COG1: variants seen among roughly 807,000 people sequenced by gnomAD.
COG1 encodes conserved oligomeric Golgi complex subunit 1.
In COG1, 61 loss-of-function variants were observed where a neutral mutation model predicts 102.2. The observed-to-expected ratio is 0.60, with a 90% confidence interval of 0.49 to 0.74. The LOEUF (loss-of-function observed/expected upper bound fraction) is 0.74, where lower values mean the gene tolerates loss of function less well. Ranked by LOEUF, COG1 falls within the 30% of genes least tolerant of loss-of-function variation. The probability of loss-of-function intolerance (pLI) is 0.00; values close to 1 mark genes in which losing one functional copy is unlikely to be tolerated. For synonymous variants in COG1, 454 were observed against 493.6 expected (o/e 0.92, Z 1.06); for missense variants, 1,164 against 1,232.1 (o/e 0.94, Z 0.83).
chr17:73,205,504 A>C, intron 9 of COG1, 49 bp from the exon 10 acceptor site: 4 of 1,610,350 alleles, frequency 2.5e-6, no homozygotes, highest in Non-Finnish European at 3.4e-6. Flanking sequence ...TTACGCTCAC[A>C]TACCAAGTCC....
Position 73,196,938 on chromosome 17 carries a change from G to C in COG1, c.599G>C (p.Cys200Ser). 2 of 1,614,206 alleles carry C rather than the reference G, an allele frequency of 1.2e-6. No individual in the cohort carries two copies. Among genetic ancestry groups the C allele is most frequent in the Non-Finnish European group, 1.7e-6 (2 of 1,180,034 alleles). The part of the protein sequence containing the change: ...ILHESKMLLK[C>S]QGVSDQAVAE... ...CATGAAAGCAAGATGTTGCTCAAATGCCAAGGTGTGTCTGACCAAGCTGTG... is the reference window on the plus strand; with the variant it reads ...CATGAAAGCAAGATGTTGCTCAAATCCCAAGGTGTGTCTGACCAAGCTGTG... Residue 200 changes from cysteine to serine, a missense_variant, in exon 3 of 14, where the codon TGC becomes TCC. Cys to Ser is a moderately radical substitution (Grantham distance 112, BLOSUM62 -1). Coordinates refer to ENST00000299886, the MANE Select transcript of COG1 (RefSeq NM_018714.3).
rs192462944 is a variant in COG1, at chr17:73,195,786, A to G, written c.316-721A>G. On this transcript the variant is annotated intron_variant, in intron 1 of 13. Coordinates refer to ENST00000299886, the MANE Select transcript of COG1 (RefSeq NM_018714.3). ...AAATTAGCCAGGCGTGGCGACACGC[A>G]CCTGCGATCCCAGCTACTCAGGAGG... Among the ~76,000 whole-genome samples, 3 of 152,252 alleles carry G rather than the reference A, an allele frequency of 2.0e-5. No homozygotes were observed. The East Asian group carries it at 5.8e-4, about 29-fold the overall frequency.
chr17:73,194,324 C>A lies in COG1; in HGVS notation c.315+940C>A, dbSNP rs375074532. 4.0e-4 allele frequency among the ~76,000 whole-genome samples: 58 copies of A among 146,520 alleles called. 1 individual carries two copies. In the South Asian group the frequency reaches 7.4e-3, roughly 19 times the overall value. On this transcript the variant is annotated intron_variant, in intron 1 of 13. Coordinates refer to ENST00000299886, the MANE Select transcript of COG1 (RefSeq NM_018714.3). ...AGGCGTGGTGGCCGGCGCCTGTAGT[C>A]CCAGCTACCTGGGAGGCTGAGGCAG... is the stretch of plus-strand genomic sequence containing the variant.
chr17:73,200,424 G>A lies in COG1; in HGVS notation c.1071-142G>A, dbSNP rs1027199921. 7.7e-5 allele frequency: 68 copies of A among 879,682 alleles called. No individual in the cohort carries two copies. In the Middle Eastern group the frequency reaches 1.0e-3, roughly 13 times the overall value. 54.5% of individuals were successfully genotyped at this position (879,682 alleles called of 1,614,324 possible). On this transcript the variant is annotated intron_variant, in intron 5 of 13. Coordinates refer to ENST00000299886, the MANE Select transcript of COG1 (RefSeq NM_018714.3). ...AGCCAAAACGCTCTGTGTTGCTACA[G>A]GTCTATCAACACTGAGACACATAGA...
intron 9 of COG1, 35 bp from the exon 10 acceptor site, chr17:73,205,518 C>T (rs762085600): frequency 1.7e-5 from 27 of 1,613,492 alleles, no homozygotes; most frequent in East Asian, 6.7e-5. Flanking sequence ...CAAGTCCTCT[C>T]TCTTCATGGG....
chr17:73,202,286 C>G (rs62071648), intron 7 of COG1, among the ~76,000 whole-genome samples: 8,377 of 152,172 alleles, frequency 0.055, 451 homozygotes, highest in East Asian at 0.17. Flanking sequence ...TTGCAGTGAG[C>G]CGAGATCGCA....
Position 73,205,610 on chromosome 17 carries a change from C to T in COG1, c.2440C>T (p.Arg814Cys), listed in dbSNP as rs767006562. Reference protein sequence around the residue: ...NRALQLLYDLRYLNIVLTAKG... With the variant: ...NRALQLLYDLCYLNIVLTAKG... ...GGCGCTGCAGCTGCTTTATGATCTG[C>T]GTTACCTCAACATTGTTCTGACAGC... is the stretch of plus-strand genomic sequence containing the variant. The change falls in exon 10 of 14, where the codon CGT (arginine) becomes TGT (cysteine). Residue 814 changes from arginine to cysteine, a missense_variant. Physicochemically the swap from Arg to Cys is radical, Grantham distance 180. Coordinates refer to ENST00000299886, the MANE Select transcript of COG1 (RefSeq NM_018714.3). The T allele has an allele frequency of 1.9e-6, 3 of 1,614,142 alleles. No homozygotes were observed. Among genetic ancestry groups the T allele is most frequent in the Admixed American group, 1.7e-5 (1 of 60,014 alleles).
chr17:73,202,452 C>T (rs955061065), intron 7 of COG1, among the ~76,000 whole-genome samples: 1 of 152,072 alleles, frequency 6.6e-6, no homozygotes, highest in Admixed American at 6.6e-5. Context: ...CTCTCTTTAA[C>T]CTAAATATCA....
In COG1 at chr17:73,203,684, G is replaced by T; in HGVS notation, c.2273G>T (p.Arg758Leu). Residue 758 changes from arginine to leucine, a missense_variant, in exon 9 of 14, where the codon CGG (arginine) becomes CTG (leucine). Transcript: ENST00000299886. ...TTTAGTTTATGCCAGGAAATTAATC[G>T]GGTTGGAGGCCATGCCTTGCCAAAG... Reference protein sequence around the residue: ...FLFSLCQEINRVGGHALPKVT... With the variant: ...FLFSLCQEINLVGGHALPKVT... 6.2e-7 allele frequency: 1 copy of T among 1,614,196 alleles called. No homozygotes were observed.
Position 73,193,394 on chromosome 17 carries a change from C to T in COG1, c.315+10C>T, listed in dbSNP as rs1188495993. The T allele has an allele frequency of 2.1e-6, 3 of 1,421,974 alleles. No individual in the cohort carries two copies. The highest frequency in any genetic ancestry group is 2.5e-4 in the Middle Eastern group (1 of 3,924). 88.1% of individuals were successfully genotyped at this position (1,421,974 alleles called of 1,614,324 possible). A position where few individuals can be genotyped will look rare whatever the true frequency, so the allele number is the denominator to read the frequency against. On this transcript the variant is annotated intron_variant, in intron 1 of 13. Coordinates refer to ENST00000299886, the MANE Select transcript of COG1 (RefSeq NM_018714.3). ...ACCGCGGGCCCAGCAGGTCAGTCCC[C>T]GTGCCCCCACCCTGCGACCCGCAGG...
rs1428498102 is a variant in COG1 at position 73,203,789 on chromosome 17, T to C, written c.2378T>C (p.Ile793Thr). The C allele has an allele frequency of 6.2e-7, 1 of 1,614,076 alleles. No homozygotes were observed. The highest frequency in any genetic ancestry group is 1.3e-5 in the African/African-American group (1 of 74,944). The change falls in exon 9 of 14, where the codon ATT becomes ACT. Residue 793 changes from isoleucine to threonine, a missense_variant. Coordinates refer to ENST00000299886, the MANE Select transcript of COG1 (RefSeq NM_018714.3). ...GAGAAACTCTCCGAAGAAAAACAGATTAAGGTAGGTGTCTGAATGTTTGCC... is the reference window on the plus strand; with the variant it reads ...GAGAAACTCTCCGAAGAAAAACAGACTAAGGTAGGTGTCTGAATGTTTGCC... ...AYEKLSEEKQ[I>T]KKEGAFPVTQ...
chr17:73,203,418 C>G (rs2061355030), intron 8 of COG1: 9 of 709,128 alleles, frequency 1.3e-5, no homozygotes, highest in African/African-American at 1.8e-5. Context: ...ACACAGGCAC[C>G]TCTTCGAGAT....
Position 73,197,084 on chromosome 17 carries a change from G to A in COG1, c.742+3G>A, listed in dbSNP as rs1568295288. On this transcript the variant is annotated splice_donor_region_variant and intron_variant, in intron 3 of 13. Coordinates refer to ENST00000299886, the MANE Select transcript of COG1 (RefSeq NM_018714.3). ...ACTTCTCAACCAGCCACACCATGGT[G>A]GGTGTGGCTTCTGGCCAACATTTGG... The A allele has an allele frequency of 6.2e-7, 1 of 1,614,000 alleles. No homozygotes were observed. The highest frequency in any genetic ancestry group is 1.1e-5 in the South Asian group (1 of 91,070).
At position 73,193,181 on chromosome 17, in the gene COG1, CG is replaced by C; in HGVS notation, c.115del (p.Ala39ProfsTer21). The C allele has an allele frequency of 6.2e-7, 1 of 1,607,768 alleles. No individual in the cohort carries two copies. Among genetic ancestry groups the C allele is most frequent in the South Asian group, 1.1e-5 (1 of 89,956 alleles). ...GATCCGCGGGCTGGAGCGCCAGGTT[CG>C]GGCCGAGATCGAGCACAAGAAGGAG... The part of the protein sequence containing the change: ...EEIRGLERQV[R>X]AEIEHKKEEL... On this transcript the variant is annotated frameshift_variant, in exon 1 of 14. Coordinates refer to ENST00000299886, the MANE Select transcript of COG1 (RefSeq NM_018714.3). LOFTEE classifies it high-confidence loss of function.
chr17:73,193,281 G>A lies in COG1; in HGVS notation c.212G>A (p.Arg71His), dbSNP rs1054929490. Residue 71 changes from arginine to histidine, a missense_variant, in exon 1 of 14, where the codon CGC (arginine) becomes CAC (histidine). Transcript: ENST00000299886. The stretch of plus-strand genomic sequence containing the variant: ...GCCGACACCATCGGCCAGATGCGCC[G>A]CTGCGCCGTGGGGCTAGTGGACGCC... Reference protein sequence around the residue: ...EAADTIGQMRRCAVGLVDAVK... With the variant: ...EAADTIGQMRHCAVGLVDAVK... 3.1e-6 allele frequency: 5 copies of A among 1,602,158 alleles called. No homozygotes were observed. Among genetic ancestry groups the A allele is most frequent in the Non-Finnish European group, 4.3e-6 (5 of 1,175,764 alleles).
rs1320259917 is a variant in COG1 at position 73,196,669 on chromosome 17, G to T, written c.478G>T (p.Asp160Tyr). The T allele has an allele frequency of 1.2e-6, 2 of 1,614,022 alleles. No individual in the cohort carries two copies. The highest frequency in any genetic ancestry group is 1.3e-5 in the African/African-American group (1 of 74,910). Residue 160 changes from aspartate (D) to tyrosine (Y), a missense_variant, in exon 2 of 14, where the codon GAT (aspartate) becomes TAT (tyrosine). Physicochemically the swap from Asp to Tyr is radical, Grantham distance 160. Coordinates refer to ENST00000299886, the MANE Select transcript of COG1 (RefSeq NM_018714.3). ...CCACCTCCACAGCCTGCTCCAGCTGGATTCTTCTAGTTCCCGATACAGTCC... is the reference window on the plus strand; with the variant it reads ...CCACCTCCACAGCCTGCTCCAGCTGTATTCTTCTAGTTCCCGATACAGTCC... The part of the protein sequence containing the change: ...CCHLHSLLQL[D>Y]SSSSRYSPVL...
chr17:73,207,295 C>CCCCACCT (rs1395860271), intron 13 of COG1, 39 bp downstream of exon 13: 1 of 1,582,078 alleles, frequency 6.3e-7, no homozygotes, highest in Non-Finnish European at 8.7e-7. Context: ...GTGGATGGGT[C>CCCCACCT]CCCACCTCCC....
chr17:73,205,069 A>C (rs1033955142), intron 9 of COG1: 5 of 208,202 alleles, frequency 2.4e-5, no homozygotes, highest in Non-Finnish European at 3.9e-5. Context: ...AGGGTGAGGC[A>C]GGAGAATTGC....
chr17:73,206,107 T>C (rs1263592159), intron 10 of COG1, 47 bp from the exon 11 acceptor site: 3 of 1,429,576 alleles, frequency 2.1e-6, no homozygotes, highest in East Asian at 2.3e-5. Context: ...AAGATTGTTT[T>C]TGATCCTAAA....
Sources: gnomAD v4.1 joint callset for allele counts (sites outside exome capture counted in the v4.1 genomes callset) on GRCh38, gnomAD v4.1.1 for gene constraint, MANE v1.5 for transcripts, NCBI Gene and HGNC (gene_info 2026-07-23, HGNC 2026-07-21) for gene names.